The following YAF2 variants were observed in gnomAD, a reference collection of about 807,000 sequenced individuals.
YAF2 encodes the protein YY1 associated factor 2, also known as YY1-associated factor 2.
In YAF2, 7 loss-of-function variants were observed where a neutral mutation model predicts 20.1. The observed-to-expected ratio is 0.35, with a 90% CI of 0.20 to 0.65. The LOEUF (loss-of-function observed/expected upper bound fraction) is 0.65. YAF2 is among the 30% of genes least tolerant of loss of function. The pLI is 0.69. For missense variants in YAF2, 151 were observed against 219.2 expected (o/e 0.69, Z 1.96); for synonymous variants, 74 against 76.0 (o/e 0.97, Z 0.14).
rs941729959 is a variant in YAF2, at chr12:42,157,514, C to T, written c.*3075G>A. 1 of 152,124 alleles carries T rather than the reference C, an allele frequency of 6.6e-6. No individual in the cohort carries two copies. Among genetic ancestry groups the T allele is most frequent in the East Asian group, 1.9e-4 (1 of 5,188 alleles). 9.4% of individuals were successfully genotyped at this position (152,124 alleles called of 1,614,324 possible). ...CGAGTGGCGGAAGCCTCAGTGGAAACGAAAACTTCTAGACCATTTACCATT... is the reference window on the plus strand; with the variant it reads ...CGAGTGGCGGAAGCCTCAGTGGAAATGAAAACTTCTAGACCATTTACCATT... On this transcript the variant is annotated 3_prime_UTR_variant, in exon 4 of 4. Transcript: ENST00000534854.
chr12:42,235,937 T>G, intron 2 of YAF2: 1 of 1,536,138 alleles, frequency 6.5e-7, no homozygotes. Context: ...TTCTCAGGGT[T>G]CCTCTAACCC....
chr12:42,186,674 T>C (rs535750359), intron 2 of YAF2, among the ~76,000 whole-genome samples: 2 of 151,526 alleles, frequency 1.3e-5, no homozygotes, highest in East Asian at 1.9e-4. Context: ...CAAGACTCCA[T>C]CTCAAAAAGG....
intron 2 of YAF2, among the ~76,000 whole-genome samples, chr12:42,169,157 G>T (rs1565599967): frequency 6.6e-6 from 1 of 152,058 alleles, no homozygotes; most frequent in African/African-American, 2.4e-5. Flanking sequence ...ACCATACTAA[G>T]GTCACCAAGT....
intron 2 of YAF2, chr12:42,232,320 A>AATT (rs773688239): frequency 1.3e-4 from 90 of 710,326 alleles, no homozygotes; most frequent in Middle Eastern, 7.1e-4. Context: ...AACATCTTCA[A>AATT]ATTATTATAA....
At chr12:42,203,100 CT>C (rs2066944493) in intron 2 of YAF2, among the ~76,000 whole-genome samples, 1 of 148,572 alleles carries the variant, frequency 6.7e-6, no homozygotes, top group East Asian at 2.0e-4. Flanking sequence ...GGATTTTTGT[CT>C]GAAACTACAT....
chr12:42,196,236 A>AAG (rs1329025640), intron 2 of YAF2, among the ~76,000 whole-genome samples: 1 of 149,132 alleles, frequency 6.7e-6, no homozygotes, highest in Non-Finnish European at 1.5e-5. Flanking sequence ...GGAAAAAAAA[A>AAG]AAAAAAAAAA....
At chr12:42,165,954 G>A (rs1349204803) in intron 2 of YAF2, among the ~76,000 whole-genome samples, 1 of 150,594 alleles carries the variant, frequency 6.6e-6, no homozygotes. Context: ...GTCTCACACT[G>A]TCACCCAGGC....
rs1196258223 is a variant in YAF2, at chr12:42,198,577, C to A, written c.153-36812G>T. 2.0e-5 allele frequency among the ~76,000 whole-genome samples: 3 copies of A among 152,106 alleles called. No individual in the cohort carries two copies. In the East Asian group the frequency reaches 5.8e-4, roughly 29 times the overall value. On this transcript the variant is annotated intron_variant, in intron 2 of 3. Transcript: ENST00000534854. ...CTCCAGCCTGGGCAATACAGCGAGA[C>A]CCTGTTTCAAAACAAAACAAAAGTT...
intron 2 of YAF2, chr12:42,233,011 G>A (rs1371414151): frequency 6.1e-6 from 6 of 985,274 alleles, no homozygotes; most frequent in African/African-American, 3.5e-5. Flanking sequence ...AAATTTTAAA[G>A]AAACAAAAAA....
rs191486417 is a variant in YAF2, at chr12:42,166,021, C to T, written c.153-4256G>A. Among the ~76,000 whole-genome samples, 74 of 152,046 alleles carry T rather than the reference C, an allele frequency of 4.9e-4. 1 individual carries two copies. The East Asian group carries it at 0.011, about 23-fold the overall frequency. ...CAACCTCCAGCCTCCTAGCTTCAAG[C>T]GATTCTCCTACCTCAGCCTCCCGAG... is the stretch of plus-strand genomic sequence containing the variant. On this transcript the variant is annotated intron_variant, in intron 2 of 3. Transcript: ENST00000534854.
intron 2 of YAF2, among the ~76,000 whole-genome samples, chr12:42,195,392 T>C (rs1170893885): frequency 6.6e-6 from 1 of 152,056 alleles, no homozygotes; most frequent in Non-Finnish European, 1.5e-5. Flanking sequence ...AGGAAACAAA[T>C]GCCAAATACT....
intron 2 of YAF2, chr12:42,199,415 C>A: frequency 3.8e-6 from 1 of 266,480 alleles, no homozygotes; most frequent in Non-Finnish European, 7.3e-6. Context: ...TCAACTTTAT[C>A]CTTTCTCAGT....
At chr12:42,170,503 T>A (rs1565601126) in intron 2 of YAF2, among the ~76,000 whole-genome samples, 1 of 152,188 alleles carries the variant, frequency 6.6e-6, no homozygotes, top group Non-Finnish European at 1.5e-5. Flanking sequence ...GAGTTCCATT[T>A]GTTTCCTCTA....
intron 2 of YAF2, among the ~76,000 whole-genome samples, chr12:42,167,677 T>C (rs1299544298): frequency 1.3e-5 from 2 of 152,182 alleles, no homozygotes. Context: ...AAAATATAAA[T>C]AGCACACAAC....
At chr12:42,178,786 A>C (rs1314530374) in intron 2 of YAF2, among the ~76,000 whole-genome samples, 3 of 152,192 alleles carry the variant, frequency 2.0e-5, no homozygotes, top group Admixed American at 1.3e-4. Context: ...ATTTGTACTA[A>C]ACCAGAGACA....
chr12:42,206,577 C>A (rs56736670), intron 2 of YAF2, among the ~76,000 whole-genome samples: 2,276 of 151,556 alleles, frequency 0.015, 55 homozygotes, highest in African/African-American at 0.052. Flanking sequence ...CCACTGCACT[C>A]CAGCCTGGGA....
intron 2 of YAF2, among the ~76,000 whole-genome samples, chr12:42,191,111 A>T (rs1453838385): frequency 6.6e-6 from 1 of 152,048 alleles, no homozygotes; most frequent in Non-Finnish European, 1.5e-5. Context: ...TTTCTTTATC[A>T]CTTTGATGCA....
intron 2 of YAF2, among the ~76,000 whole-genome samples, chr12:42,236,994 T>C (rs930438970): frequency 3.3e-5 from 5 of 152,258 alleles, no homozygotes; most frequent in African/African-American, 1.2e-4. Flanking sequence ...GACTGCCATT[T>C]AATCAAACTA....
chr12:42,222,088 C>G (rs1305302242), intron 2 of YAF2, among the ~76,000 whole-genome samples: 1 of 152,084 alleles, frequency 6.6e-6, no homozygotes, highest in East Asian at 1.9e-4. Flanking sequence ...TAAATCACAG[C>G]TCATATAACA....
Sources: allele counts gnomAD v4.1 joint callset (sites outside exome capture counted in the v4.1 genomes callset), GRCh38; gene constraint gnomAD v4.1.1; transcripts MANE v1.5; gene names NCBI Gene and HGNC (gene_info 2026-07-23, HGNC 2026-07-21).